Variants in CELF2 observed in about 807,000 individuals in gnomAD.
CELF2 encodes the protein CUGBP Elav-like family member 2.
In CELF2, 8 loss-of-function variants were observed where a neutral mutation model predicts 62.6. The ratio of observed to expected loss-of-function variants is 0.13; its 90% CI spans 0.07 to 0.23. The LOEUF (loss-of-function observed/expected upper bound fraction) is 0.23, where lower values mean the gene tolerates loss of function less well. CELF2 is among the 10% of genes least tolerant of loss of function. The pLI, the probability that CELF2 is intolerant of heterozygous loss-of-function variation, is 1.00. For missense variants in CELF2, 333 were observed against 671.0 expected (o/e 0.50, Z 5.56); for synonymous variants, 258 against 250.0 (o/e 1.03, Z -0.30).
In CELF2 at chr10:11,331,604, TAAAAAAA is replaced by T. The variant is rs199791747; in HGVS notation, c.*2556_*2562del. 1 of 146,120 alleles carries T rather than the reference TAAAAAAA, an allele frequency of 6.8e-6. No individual in the cohort carries two copies. The highest frequency in any genetic ancestry group is 1.5e-5 in the Non-Finnish European group (1 of 65,974). The allele number at this position is 146,120 out of a possible 1,614,324, so 9.1% of individuals were successfully genotyped here. A position where few individuals can be genotyped will look rare whatever the true frequency, so the allele number is the denominator to read the frequency against. The stretch of plus-strand genomic sequence containing the variant: ...GTGTTTTGTATAAATCCCTAATATT[TAAAAAAA>T]AAAACAAAACAAAAAAAGGTTACAA... On this transcript the variant is annotated 3_prime_UTR_variant, in exon 13 of 13. Coordinates refer to ENST00000633077, the MANE Select transcript of CELF2 (RefSeq NM_001326342.2).
chr10:11,023,458 G>GT (rs2058667834), intron 1 of CELF2, among the ~76,000 whole-genome samples: 1 of 152,218 alleles, frequency 6.6e-6, no homozygotes, highest in South Asian at 2.1e-4. Flanking sequence ...ATGCTTTCAG[G>GT]TAATTGTAAA....
chr10:10,757,422 C>A, the CELF2 span, among the ~76,000 whole-genome samples: 3 of 152,138 alleles, frequency 2.0e-5, no homozygotes, highest in South Asian at 4.2e-4. Flanking sequence ...CATACCATTG[C>A]ACTGTCTCTG....
chr10:10,890,250 A>C (rs2062036166), intron 1 of CELF2, among the ~76,000 whole-genome samples: 1 of 152,188 alleles, frequency 6.6e-6, no homozygotes, highest in South Asian at 2.1e-4. Context: ...GGGTATTTCC[A>C]TATAACTTTA....
the CELF2 span, among the ~76,000 whole-genome samples, chr10:10,472,001 T>C: frequency 6.6e-6 from 1 of 151,818 alleles, no homozygotes; most frequent in Non-Finnish European, 1.5e-5. Flanking sequence ...TTAATGTGTG[T>C]GTTTTCTCTA....
chr10:10,561,289 G>A, the CELF2 span, among the ~76,000 whole-genome samples: 12 of 152,168 alleles, frequency 7.9e-5, no homozygotes, highest in South Asian at 6.2e-4. Context: ...ACCCAACCCC[G>A]GGAGAAGACT....
chr10:10,963,806 A>C (rs537910276), intron 2 of CELF2, among the ~76,000 whole-genome samples: 1 of 152,314 alleles, frequency 6.6e-6, no homozygotes, highest in Non-Finnish European at 1.5e-5. Context: ...TGAAATTGTC[A>C]GTATGGCCAT....
intron 1 of CELF2, among the ~76,000 whole-genome samples, chr10:10,839,695 T>C (rs1216252775): frequency 1.3e-5 from 2 of 152,224 alleles, no homozygotes; most frequent in African/African-American, 2.4e-5. Context: ...AATTCCACCC[T>C]GGGATTCCTG....
At chr10:10,874,085 C>A (rs2060931027) in intron 1 of CELF2, among the ~76,000 whole-genome samples, 1 of 152,150 alleles carries the variant, frequency 6.6e-6, no homozygotes, top group Non-Finnish European at 1.5e-5. Context: ...CAGAGGCAGC[C>A]AGGCTCGCTT....
At chr10:10,499,049 G>T in the CELF2 span, among the ~76,000 whole-genome samples, 1 of 150,232 alleles carries the variant, frequency 6.7e-6, no homozygotes, top group Non-Finnish European at 1.5e-5. Flanking sequence ...TGAAATACTG[G>T]ATCTTTCCCA....
Position 11,243,359 on chromosome 10 carries a change from CA to C in CELF2, c.355-5777del, listed in dbSNP as rs35245941. ...GTGCGGCTTTAGGCAAAATGTTATTCAAAAAAAAAAAAAAAAAGCTTCTAAA... is the reference window on the plus strand; with the variant it reads ...GTGCGGCTTTAGGCAAAATGTTATTCAAAAAAAAAAAAAAAAGCTTCTAAA... On this transcript the variant is annotated intron_variant, in intron 3 of 12. Transcript: ENST00000633077. The surrounding 1 kb of genome is among the most constrained non-coding windows in gnomAD (Gnocchi z 4.1). Among the ~76,000 whole-genome samples the C allele has an allele frequency of 0.2, 18,565 of 91,088 alleles. 1,612 individuals carry two copies. Among genetic ancestry groups the C allele is most frequent in the African/African-American group, 0.37 (10,391 of 28,130 alleles). The allele number at this position is 91,088 out of a possible 152,430, so 59.8% of individuals were successfully genotyped here.
chr10:11,159,512 G>A lies in CELF2; in HGVS notation c.75-5974G>A, dbSNP rs1484552754. On this transcript the variant is annotated intron_variant, in intron 1 of 12. Coordinates refer to ENST00000633077, the MANE Select transcript of CELF2 (RefSeq NM_001326342.2). This position sits in a 1 kb window ranked among gnomAD's most constrained non-coding sequence, Gnocchi z 5.0. ...ATGCGCTAAGTTGAGCATGGACAGG[G>A]CGCCTCCTGAGGGTAGGGCCTGAGT... is the stretch of plus-strand genomic sequence containing the variant. Among the ~76,000 whole-genome samples the A allele has an allele frequency of 1.3e-5, 2 of 152,196 alleles. No homozygotes were observed. Among genetic ancestry groups the A allele is most frequent in the Non-Finnish European group, 2.9e-5 (2 of 68,034 alleles).
At chr10:10,940,569 T>C (rs951042211) in intron 2 of CELF2, among the ~76,000 whole-genome samples, 5 of 152,240 alleles carry the variant, frequency 3.3e-5, no homozygotes, top group Non-Finnish European at 7.3e-5. Context: ...TACTAACATA[T>C]TTGAATGAAG....
chr10:10,670,987 CA>C, the CELF2 span, among the ~76,000 whole-genome samples: 2 of 151,908 alleles, frequency 1.3e-5, no homozygotes, highest in Non-Finnish European at 2.9e-5. Flanking sequence ...GGCAACATGG[CA>C]AAACCCCATC....
chr10:10,933,233 G>T (rs1276009132), intron 2 of CELF2, among the ~76,000 whole-genome samples: 1 of 152,068 alleles, frequency 6.6e-6, no homozygotes, highest in Non-Finnish European at 1.5e-5. Context: ...AGCCCAGGAG[G>T]TTGAAGCTGC....
Position 11,098,915 on chromosome 10 carries a change from G to A in CELF2, c.75-66571G>A, listed in dbSNP as rs776732219. 9.9e-5 allele frequency among the ~76,000 whole-genome samples: 15 copies of A among 152,176 alleles called. No homozygotes were observed. The highest frequency in any genetic ancestry group is 1.8e-4 in the Non-Finnish European group (12 of 68,030). On this transcript the variant is annotated intron_variant, in intron 1 of 12. Transcript: ENST00000633077. This position sits in a 1 kb window ranked among gnomAD's most constrained non-coding sequence, Gnocchi z 4.0. Reference sequence around the variant, plus strand: ...CCCTCAGTTTGGGCACAGTCCAGCAGGAGAATATTTAAAACTGGGTTTGGT... The same window carrying A: ...CCCTCAGTTTGGGCACAGTCCAGCAAGAGAATATTTAAAACTGGGTTTGGT...
chr10:11,257,336 CAAAAAA>C (rs61363639), intron 4 of CELF2, among the ~76,000 whole-genome samples: 5,830 of 114,730 alleles, frequency 0.051, 396 homozygotes, highest in African/African-American at 0.18. Context: ...AGACCATCTA[CAAAAAA>C]AAAAAAAAAA....
At position 11,332,074 on chromosome 10, in the gene CELF2, A is replaced by AGGAATTCT. The variant is rs1394680977; in HGVS notation, c.*3021_*3022insGGAATTCT. ...TACACTACTTTTACTACTTTTGATTATTTCTCATTTTTGGGAAAAGAATTC... is the reference window on the plus strand; with the variant it reads ...TACACTACTTTTACTACTTTTGATTAGGAATTCTTTTCTCATTTTTGGGAAAAGAATTC... On this transcript the variant is annotated 3_prime_UTR_variant, in exon 13 of 13. Transcript: ENST00000633077. The AGGAATTCT allele has an allele frequency of 2.6e-5, 4 of 152,182 alleles. No homozygotes were observed. The highest frequency in any genetic ancestry group is 4.4e-5 in the Non-Finnish European group (3 of 68,020). 9.4% of individuals were successfully genotyped at this position (152,182 alleles called of 1,614,324 possible).
the CELF2 span, among the ~76,000 whole-genome samples, chr10:10,682,736 C>A: frequency 2.6e-5 from 4 of 152,060 alleles, no homozygotes; most frequent in Non-Finnish European, 2.9e-5. Flanking sequence ...TATTGGATAT[C>A]AGCATTCCTG....
chr10:10,569,393 TACCACGA>T, the CELF2 span, among the ~76,000 whole-genome samples: 1 of 152,214 alleles, frequency 6.6e-6, no homozygotes, highest in South Asian at 2.1e-4. Context: ...ACTTACTCAC[TACCACGA>T]GAAAAGTATG....
Sources: gnomAD v4.1 joint callset for allele counts (sites outside exome capture counted in the v4.1 genomes callset) on GRCh38, gnomAD v4.1.1 for gene constraint, Gnocchi (gnomAD v3.1) non-coding constraint, MANE v1.5 for transcripts, NCBI Gene and HGNC (gene_info 2026-07-23, HGNC 2026-07-21) for gene names.